Variants in ITFG1 observed in about 807,000 individuals in gnomAD.
ITFG1 encodes integrin alpha FG-GAP repeat containing 1.
In ITFG1, 34 loss-of-function variants were observed where a neutral mutation model predicts 81.8. That is an observed-to-expected ratio of 0.42 (90% CI 0.32 to 0.55). ITFG1 has a LOEUF of 0.55. Among genes scored for constraint, ITFG1 ranks in the 20% least tolerant of loss-of-function variants. The probability of loss-of-function intolerance (pLI) is 0.17; values close to 1 mark genes in which losing one functional copy is unlikely to be tolerated. For missense variants in ITFG1, 672 were observed against 755.4 expected, an observed-to-expected ratio of 0.89 and a Z score of 1.29; for synonymous variants, 285 against 270.6, an observed-to-expected ratio of 1.05 and a Z score of -0.52.
intron 8 of ITFG1, among the ~76,000 whole-genome samples, chr16:47,345,289 C>A (rs1225916049): frequency 6.8e-6 from 1 of 145,996 alleles, no homozygotes; most frequent in Non-Finnish European, 1.5e-5. Flanking sequence ...TGCAAAAAAA[C>A]TCTTTTTTTT....
At chr16:47,183,344 A>C (rs1752707273) in intron 14 of ITFG1, among the ~76,000 whole-genome samples, 1 of 152,122 alleles carries the variant, frequency 6.6e-6, no homozygotes, top group African/African-American at 2.4e-5. Context: ...GACAAACAAA[A>C]AGACAGCAGT....
At chr16:47,407,101 TGAA>T (rs1968738799) in intron 6 of ITFG1, among the ~76,000 whole-genome samples, 1 of 152,168 alleles carries the variant, frequency 6.6e-6, no homozygotes, top group Admixed American at 6.5e-5. Context: ...CCAAATGTAA[TGAA>T]GAAGCCACTG....
At chr16:47,328,080 A>G (rs1242792974) in intron 8 of ITFG1, among the ~76,000 whole-genome samples, 3 of 152,226 alleles carry the variant, frequency 2.0e-5, no homozygotes, top group Non-Finnish European at 4.4e-5. Context: ...CCAAATGTCC[A>G]ACAATGATAG....
At position 47,155,573 on chromosome 16, in the gene ITFG1, C is replaced by T; in HGVS notation, c.*146G>A. The T allele has an allele frequency of 1.6e-6, 1 of 612,944 alleles. No individual in the cohort carries two copies. The highest frequency in any genetic ancestry group is 2.5e-5 in the South Asian group (1 of 40,750). 38.0% of individuals were successfully genotyped at this position (612,944 alleles called of 1,614,324 possible). Reference sequence around the variant, plus strand: ...AAAAAGACCTTGTGACATATTCAAACCATATTTATTTGAATACTTTCCAAT... The same window carrying T: ...AAAAAGACCTTGTGACATATTCAAATCATATTTATTTGAATACTTTCCAAT... On this transcript the variant is annotated 3_prime_UTR_variant, in exon 18 of 18. Coordinates refer to ENST00000320640, the MANE Select transcript of ITFG1 (RefSeq NM_030790.5).
chr16:47,254,380 A>ATAT lies in ITFG1; in HGVS notation c.1330+4249_1330+4251dup, dbSNP rs371724043. 3.0e-3 allele frequency among the ~76,000 whole-genome samples: 453 copies of ATAT among 150,980 alleles called. 3 individuals carry two copies. The highest frequency in any genetic ancestry group is 0.014 in the South Asian group (67 of 4,766). On this transcript the variant is annotated intron_variant, in intron 12 of 17. Coordinates refer to ENST00000320640, the MANE Select transcript of ITFG1 (RefSeq NM_030790.5). ...CTGAGAACTGCCTACTCTCTTTAGCATATTATTATTATTATTATTATTATT... is the reference window on the plus strand; with the variant it reads ...CTGAGAACTGCCTACTCTCTTTAGCATATTATTATTATTATTATTATTATTATT...
At chr16:47,255,629 A>G (rs1966130547) in intron 12 of ITFG1, among the ~76,000 whole-genome samples, 1 of 152,242 alleles carries the variant, frequency 6.6e-6, no homozygotes, top group African/African-American at 2.4e-5. Flanking sequence ...AAGATAGCCA[A>G]TCCATGCCTC....
At chr16:47,402,489 C>G (rs767927963) in intron 6 of ITFG1, among the ~76,000 whole-genome samples, 18 of 152,248 alleles carry the variant, frequency 1.2e-4, no homozygotes, top group Middle Eastern at 3.4e-3. Flanking sequence ...GTGGGGAGAA[C>G]CTAAACTGTG....
intron 8 of ITFG1, among the ~76,000 whole-genome samples, chr16:47,332,196 TAATAA>T (rs141120195): frequency 1.9e-4 from 28 of 151,204 alleles, no homozygotes; most frequent in Non-Finnish European, 2.4e-4. Flanking sequence ...AGTATAATAA[TAATAA>T]AATAAAATAA....
chr16:47,226,878 T>A lies in ITFG1; in HGVS notation c.1375-7932A>T, dbSNP rs1429514271. Among the ~76,000 whole-genome samples, 6 of 152,260 alleles carry A rather than the reference T, an allele frequency of 3.9e-5. No homozygotes were observed. In the South Asian group the frequency reaches 6.2e-4, roughly 16 times the overall value. ...ATTTTAATATGAAAAATATAGTTTT[T>A]AAAAAAATAAAATTGGTTATGTTAA... On this transcript the variant is annotated intron_variant, in intron 13 of 17. Transcript: ENST00000320640.
At chr16:47,317,211 T>C (rs1163838218) in intron 8 of ITFG1, among the ~76,000 whole-genome samples, 1 of 152,160 alleles carries the variant, frequency 6.6e-6, no homozygotes, top group Non-Finnish European at 1.5e-5. Context: ...AAATACTTTA[T>C]TGAAATAGAA....
intron 10 of ITFG1, among the ~76,000 whole-genome samples, chr16:47,308,379 T>A (rs1394732400): frequency 6.6e-6 from 1 of 152,202 alleles, no homozygotes; most frequent in Non-Finnish European, 1.5e-5. Context: ...ACTATCAACC[T>A]CCATGCCTTT....
At chr16:47,197,049 A>C (rs1596801428) in intron 14 of ITFG1, among the ~76,000 whole-genome samples, 1 of 152,238 alleles carries the variant, frequency 6.6e-6, no homozygotes, top group East Asian at 1.9e-4. Flanking sequence ...ATCACATGAC[A>C]GATAGCAGGC....
intron 16 of ITFG1, among the ~76,000 whole-genome samples, chr16:47,159,652 T>C (rs1288207374): frequency 6.6e-6 from 1 of 152,154 alleles, no homozygotes; most frequent in African/African-American, 2.4e-5. Flanking sequence ...GTCCATGTAA[T>C]ATAGCATTTG....
At chr16:47,437,774 G>A (rs147593332) in intron 5 of ITFG1, among the ~76,000 whole-genome samples, 27 of 152,350 alleles carry the variant, frequency 1.8e-4, no homozygotes, top group African/African-American at 4.3e-4. Flanking sequence ...TGTGAGTGAC[G>A]TAGAAGACGG....
Position 47,442,412 on chromosome 16 carries a change from T to C in ITFG1, c.560+8984A>G, listed in dbSNP as rs188225173. On this transcript the variant is annotated intron_variant, in intron 5 of 17. Transcript: ENST00000320640. ...AAAAAGAGCCCGCCTTGCCAAGTCA[T>C]ACAGAACCAAAAAAGAGCCCGCATT... Among the ~76,000 whole-genome samples, 25 of 152,048 alleles carry C rather than the reference T, an allele frequency of 1.6e-4. 1 individual carries two copies. The East Asian group carries it at 3.7e-3, about 22-fold the overall frequency.
intron 14 of ITFG1, among the ~76,000 whole-genome samples, chr16:47,204,386 G>A (rs1965466135): frequency 6.6e-6 from 1 of 152,128 alleles, no homozygotes; most frequent in South Asian, 2.1e-4. Context: ...CTTAAAACTA[G>A]CTGACTTTAT....
intron 10 of ITFG1, among the ~76,000 whole-genome samples, chr16:47,271,391 T>G (rs1050989816): frequency 6.6e-6 from 1 of 152,078 alleles, no homozygotes; most frequent in Non-Finnish European, 1.5e-5. Flanking sequence ...ATTAGACAAC[T>G]GCAAATCAAA....
intron 5 of ITFG1, among the ~76,000 whole-genome samples, chr16:47,430,618 T>C (rs1391988250): frequency 3.9e-5 from 6 of 152,212 alleles, no homozygotes; most frequent in African/African-American, 1.2e-4. Context: ...TTGTGGAAAA[T>C]AATAATGATT....
chr16:47,180,648 G>T (rs1965097211), intron 14 of ITFG1, among the ~76,000 whole-genome samples: 1 of 152,188 alleles, frequency 6.6e-6, no homozygotes, highest in South Asian at 2.1e-4. Flanking sequence ...GCCTCCCGAG[G>T]TGCCGGGATT....
Sources: gnomAD v4.1 joint callset for allele counts (sites outside exome capture counted in the v4.1 genomes callset) on GRCh38, gnomAD v4.1.1 for gene constraint, MANE v1.5 for transcripts, NCBI Gene and HGNC (gene_info 2026-07-23, HGNC 2026-07-21) for gene names.